GBF1: variants seen among roughly 807,000 people sequenced by gnomAD.
The protein encoded by GBF1 is golgi brefeldin A resistant guanine nucleotide exchange factor 1.
In GBF1, 114 loss-of-function variants were observed where a neutral mutation model predicts 210.5. The ratio of observed to expected loss-of-function variants is 0.54; its 90% CI spans 0.47 to 0.63. GBF1 has a LOEUF of 0.63. GBF1 is among the 30% of genes least tolerant of loss of function. The probability of loss-of-function intolerance (pLI) is 0.00; values close to 1 mark genes in which losing one functional copy is unlikely to be tolerated. For synonymous variants in GBF1, 850 were observed against 889.2 expected, an observed-to-expected ratio of 0.96 and a Z score of 0.78; for missense variants, 1,851 against 2,357.7, an observed-to-expected ratio of 0.79 and a Z score of 4.45.
At chr10:102,273,688 G>A (rs1433693432) in intron 3 of GBF1, among the ~76,000 whole-genome samples, 1 of 152,146 alleles carries the variant, frequency 6.6e-6, no homozygotes, top group Non-Finnish European at 1.5e-5. Context: ...GGGAATGAGT[G>A]GATTCTTCAT....
At chr10:102,339,891 A>G (rs989202609) in intron 3 of GBF1, among the ~76,000 whole-genome samples, 5 of 151,566 alleles carry the variant, frequency 3.3e-5, no homozygotes. Context: ...GGCTCAAGCA[A>G]TCCTCTCACC....
Position 102,368,079 on chromosome 10 carries a change from G to A in GBF1, c.2643-139G>A, listed in dbSNP as rs542760407. The A allele has an allele frequency of 6.4e-5, 44 of 690,472 alleles. No homozygotes were observed. The South Asian group carries it at 6.8e-4, about 11-fold the overall frequency. The allele number at this position is 690,472 out of a possible 1,614,324, so 42.8% of individuals were successfully genotyped here. On this transcript the variant is annotated intron_variant, in intron 21 of 39. Coordinates refer to ENST00000369983, the MANE Select transcript of GBF1 (RefSeq NM_001377137.1). ...TCTTTCTGTCTGCTCCCACTGGTGG[G>A]TGGAAAGCAGACCACTGAGCTGCAG... is the stretch of plus-strand genomic sequence containing the variant.
chr10:102,353,388 A>G (rs2059119348), intron 7 of GBF1, among the ~76,000 whole-genome samples: 1 of 152,092 alleles, frequency 6.6e-6, no homozygotes, highest in Non-Finnish European at 1.5e-5. Flanking sequence ...TGCTCTCACA[A>G]CTACCTCCTT....
chr10:102,249,747 A>G (rs1315885140), intron 1 of GBF1, among the ~76,000 whole-genome samples: 1 of 147,672 alleles, frequency 6.8e-6, no homozygotes, highest in Non-Finnish European at 1.5e-5. Context: ...GCTGGAGTGC[A>G]GTGGTGTGAT....
chr10:102,271,472 AC>A (rs1364431344), intron 3 of GBF1, among the ~76,000 whole-genome samples: 1 of 150,458 alleles, frequency 6.6e-6, no homozygotes, highest in Non-Finnish European at 1.5e-5. Context: ...GGTGTGAGCC[AC>A]TGCACCTGGC....
upstream of GBF1, among the ~76,000 whole-genome samples, chr10:102,241,069 C>T (rs550115529): frequency 3.3e-5 from 5 of 152,296 alleles, no homozygotes; most frequent in South Asian, 8.3e-4. The surrounding 1 kb of genome is among the most constrained non-coding windows in gnomAD (Gnocchi z 6.7). Flanking sequence ...CTACTCCCTG[C>T]CTCGCGAAGC....
intron 39 of GBF1, among the ~76,000 whole-genome samples, chr10:102,381,652 G>A (rs1370155195): frequency 2.0e-5 from 3 of 151,528 alleles, no homozygotes; most frequent in South Asian, 2.1e-4. Context: ...GTGAAACCCC[G>A]CCTGTACCAA....
intron 3 of GBF1, among the ~76,000 whole-genome samples, chr10:102,295,683 ACATTTAT>A (rs2076853385): frequency 6.6e-6 from 1 of 152,192 alleles, no homozygotes; most frequent in South Asian, 2.1e-4. Context: ...TACATAATTT[ACATTTAT>A]ATAATTTTGA....
Position 102,360,255 on chromosome 10 carries a change from C to T in GBF1, c.1252C>T (p.Pro418Ser), listed in dbSNP as rs1216846297. ...CCGCTTCCTCATCTCCCTCACCAAT[C>T]CACACGACCGCCATAACTCAGAGGT... The part of the protein sequence containing the change: ...LFRFLISLTN[P>S]HDRHNSEVMI... The change falls in exon 12 of 40, where the codon CCA (proline) becomes TCA (serine). Residue 418 changes from proline to serine, a missense_variant. Physicochemically the swap from Pro to Ser is moderately conservative, Grantham distance 74 (BLOSUM62 -1). Transcript: ENST00000369983. 5 of 1,613,854 alleles carry T rather than the reference C, an allele frequency of 3.1e-6. No homozygotes were observed. In the South Asian group the frequency reaches 5.5e-5, roughly 18 times the overall value.
chr10:102,363,224 A>G lies in GBF1; in HGVS notation c.1877-32A>G. ...AGCTCTGCTTGGCTTCATACCCTATAAGTCTTCACGTATCTTCTTCTCTCT... is the reference window on the plus strand; with the variant it reads ...AGCTCTGCTTGGCTTCATACCCTATGAGTCTTCACGTATCTTCTTCTCTCT... On this transcript the variant is annotated intron_variant, in intron 15 of 39. Transcript: ENST00000369983. The surrounding 1 kb of genome is among the most constrained non-coding windows in gnomAD (Gnocchi z 4.2). 6.3e-7 allele frequency: 1 copy of G among 1,589,924 alleles called. No individual in the cohort carries two copies.
chr10:102,237,998 G>T, the GBF1 span, among the ~76,000 whole-genome samples: 2 of 152,116 alleles, frequency 1.3e-5, no homozygotes, highest in Non-Finnish European at 2.9e-5. Context: ...ACCATGGTGA[G>T]CATAAAGGGT....
chr10:102,326,793 C>A (rs1434726892), intron 3 of GBF1, among the ~76,000 whole-genome samples: 1 of 152,082 alleles, frequency 6.6e-6, no homozygotes, highest in Non-Finnish European at 1.5e-5. Context: ...TAGCTAGCTT[C>A]TTTTAGCTTA....
Position 102,358,087 on chromosome 10 carries a change from CAG to C in GBF1, c.690_691del (p.Lys231GlufsTer29). 1.2e-6 allele frequency: 2 copies of C among 1,609,532 alleles called. No individual in the cohort carries two copies. Among genetic ancestry groups the C allele is most frequent in the Non-Finnish European group, 1.7e-6 (2 of 1,175,854 alleles). ...GMSDSSKWKK[Q>X]KRSPRPPRHM... ...GAGTGATTCATCCAAATGGAAGAAACAGAAGAGATCCCCTCGGCCCCCACGCC... is the reference window on the plus strand; with the variant it reads ...GAGTGATTCATCCAAATGGAAGAAACAAGAGATCCCCTCGGCCCCCACGCC... On this transcript the variant is annotated frameshift_variant, in exon 9 of 40. Transcript: ENST00000369983. LOFTEE classifies it high-confidence loss of function.
chr10:102,322,718 C>CAAAA lies in GBF1; in HGVS notation c.164-21310_164-21307dup, dbSNP rs61470777. 8.7e-4 allele frequency among the ~76,000 whole-genome samples: 70 copies of CAAAA among 80,470 alleles called. 2 individuals carry two copies. The highest frequency in any genetic ancestry group is 3.4e-3 in the African/African-American group (66 of 19,690). 52.8% of individuals were successfully genotyped at this position (80,470 alleles called of 152,430 possible). A position where few individuals can be genotyped will look rare whatever the true frequency, so the allele number is the denominator to read the frequency against. On this transcript the variant is annotated intron_variant, in intron 3 of 39. Coordinates refer to ENST00000369983, the MANE Select transcript of GBF1 (RefSeq NM_001377137.1). ...GCAACATAGTGAGATCTCATCTCTACAAAAAAAAAAAAAAAAAAAAAAAAA... is the reference window on the plus strand; with the variant it reads ...GCAACATAGTGAGATCTCATCTCTACAAAAAAAAAAAAAAAAAAAAAAAAAAAAA...
chr10:102,346,286 T>G (rs2058568027), intron 4 of GBF1, among the ~76,000 whole-genome samples: 1 of 152,098 alleles, frequency 6.6e-6, no homozygotes, highest in African/African-American at 2.4e-5. Flanking sequence ...CGGCCCCTTA[T>G]TGCTAATTTT....
chr10:102,252,300 T>C (rs2071643095), intron 1 of GBF1, among the ~76,000 whole-genome samples: 2 of 150,098 alleles, frequency 1.3e-5, no homozygotes, highest in African/African-American at 4.9e-5. Context: ...ATTGTGCCAT[T>C]GCACTCCAGC....
chr10:102,295,655 G>A (rs2076850650), intron 3 of GBF1, among the ~76,000 whole-genome samples: 1 of 152,058 alleles, frequency 6.6e-6, no homozygotes, highest in Non-Finnish European at 1.5e-5. Flanking sequence ...GGGATATTTG[G>A]GCGTTTGTTA....
chr10:102,380,517 C>T lies in GBF1; in HGVS notation c.5004C>T (p.Ile1668=). ...AGSSDLLSEA[I]PESLKNMLLV... ...ACTGCCACCTGCAGTCAGAGGCGAT[C>T]CCTGAGTCTCTGAAGAACATGCTTC... Residue 1668 remains isoleucine (I), a synonymous_variant, in exon 38 of 40, where the codon ATC becomes ATT. Transcript: ENST00000369983. The T allele has an allele frequency of 6.2e-7, 1 of 1,612,574 alleles. No homozygotes were observed. The highest frequency in any genetic ancestry group is 1.1e-5 in the South Asian group (1 of 90,908).
At chr10:102,276,246 GC>G (rs2074950987) in intron 3 of GBF1, among the ~76,000 whole-genome samples, 1 of 145,492 alleles carries the variant, frequency 6.9e-6, no homozygotes, top group Non-Finnish European at 1.5e-5. Flanking sequence ...CCAAAAAAAG[GC>G]CTGGCGCGGT....
Sources: allele counts gnomAD v4.1 joint callset (sites outside exome capture counted in the v4.1 genomes callset), GRCh38; gene constraint gnomAD v4.1.1; non-coding constraint Gnocchi (gnomAD v3.1); transcripts MANE v1.5; gene names NCBI Gene and HGNC (gene_info 2026-07-23, HGNC 2026-07-21).